Variants in NYAP1 observed in about 807,000 individuals in gnomAD.
NYAP1 encodes neuronal tyrosine phosphorylated phosphoinositide-3-kinase adaptor 1, also known as neuronal tyrosine-phosphorylated phosphoinositide-3-kinase adapter 1.
Under a neutral mutation model 58.6 loss-of-function variants are expected in NYAP1, and 20 were observed. The ratio of observed to expected loss-of-function variants is 0.34; its 90% confidence interval spans 0.24 to 0.50. The LOEUF (loss-of-function observed/expected upper bound fraction) is 0.50. NYAP1 is among the 20% of genes least tolerant of loss of function. The probability of loss-of-function intolerance (pLI) is 0.98; values close to 1 mark genes in which losing one functional copy is unlikely to be tolerated. For synonymous variants in NYAP1, 572 were observed against 523.1 expected, an observed-to-expected ratio of 1.09 and a Z score of -1.27; for missense variants, 1,150 against 1,194.5, an observed-to-expected ratio of 0.96 and a Z score of 0.55.
Position 100,488,648 on chromosome 7 carries a change from C to A in NYAP1, c.927C>A (p.Ser309Arg). ...GCCGCCCAGCTTCAGCCCTCCCGAG[C>A]CGGAGGGACGGGACGCCCACCAAGA... is the stretch of plus-strand genomic sequence containing the variant. ...AHRRPASALPSRRDGTPTKTT... is the reference protein window; with the variant it reads ...AHRRPASALPRRRDGTPTKTT... Residue 309 changes from serine to arginine, a missense_variant, in exon 4 of 7, where the codon AGC becomes AGA. Physicochemically the swap from Ser to Arg is moderately radical, Grantham distance 110. Coordinates refer to ENST00000300179, the MANE Select transcript of NYAP1 (RefSeq NM_173564.4). This position sits in a 1 kb window ranked among gnomAD's most constrained non-coding sequence, Gnocchi z 5.9. 6.2e-7 allele frequency: 1 copy of A among 1,610,110 alleles called. No homozygotes were observed. Among genetic ancestry groups the A allele is most frequent in the Non-Finnish European group, 8.5e-7 (1 of 1,178,850 alleles).
intron 6 of NYAP1, 75 bp downstream of exon 6, chr7:100,491,170 G>A: frequency 4.9e-6 from 5 of 1,019,446 alleles, no homozygotes; most frequent in Non-Finnish European, 7.4e-6. Context: ...AAGCAATAAA[G>A]GGGCCAGGGC....
In NYAP1 at chr7:100,486,237, C is replaced by T. The variant is rs1349231219; in HGVS notation, c.69-584C>T. ...CTCCACTCAGACAGAAGCTCAGGGA[C>T]AGTGGAATGGAATGGGGGTGAGCCG... On this transcript the variant is annotated intron_variant, in intron 2 of 6. Coordinates refer to ENST00000300179, the MANE Select transcript of NYAP1 (RefSeq NM_173564.4). This position sits in a 1 kb window ranked among gnomAD's most constrained non-coding sequence, Gnocchi z 6.2. 6.6e-6 allele frequency among the ~76,000 whole-genome samples: 1 copy of T among 152,012 alleles called. No homozygotes were observed. Among genetic ancestry groups the T allele is most frequent in the African/African-American group, 2.4e-5 (1 of 41,352 alleles).
rs781109085 is a variant in NYAP1, at chr7:100,485,373, A to G, written c.62A>G (p.Lys21Arg). ...EWRQHKEEEA[K>R]RSSSKEVAPA... ...AGGCAGCACAAGGAAGAGGAGGCCA[A>G]GAGGAGGTAAGGCTGCACCCCAGAC... Residue 21 changes from lysine to arginine, a missense_variant, in exon 2 of 7, where the codon AAG (lysine) becomes AGG (arginine). Transcript: ENST00000300179. The surrounding 1 kb of genome is among the most constrained non-coding windows in gnomAD (Gnocchi z 5.7). 6.2e-7 allele frequency: 1 copy of G among 1,600,058 alleles called. No individual in the cohort carries two copies. The highest frequency in any genetic ancestry group is 8.5e-7 in the Non-Finnish European group (1 of 1,172,672).
intron 6 of NYAP1, among the ~76,000 whole-genome samples, chr7:100,491,777 G>A (rs549898139): frequency 8.6e-5 from 13 of 151,996 alleles, no homozygotes; most frequent in Non-Finnish European, 1.5e-4. Flanking sequence ...GGCCAGGTGC[G>A]GTGGCTCATG....
rs781456489 is a variant in NYAP1 at position 100,489,027 on chromosome 7, G to A, written c.1306G>A (p.Ala436Thr). 1.0e-5 allele frequency: 16 copies of A among 1,551,224 alleles called. No individual in the cohort carries two copies. In the African/African-American group the frequency reaches 2.2e-4, roughly 21 times the overall value. ...NSHSMICPKA[A>T]GAPAAPPAPA... ...CCACAGCATGATCTGCCCTAAGGCG[G>A]CGGGGGCGCCGGCAGCCCCCCCTGC... Residue 436 changes from alanine (A) to threonine (T), a missense_variant, in exon 4 of 7, where the codon GCG becomes ACG. By Grantham distance (58) the Ala-to-Thr change is moderately conservative. Coordinates refer to ENST00000300179, the MANE Select transcript of NYAP1 (RefSeq NM_173564.4).
chr7:100,485,176 C>G lies in NYAP1; in HGVS notation c.-84-52C>G. ...TCTCTCTTTCATTCATCCCTGGCCC[C>G]CACCCATCCCACCTTTCTTTTTTTT... On this transcript the variant is annotated intron_variant, in intron 1 of 6. Transcript: ENST00000300179. This position sits in a 1 kb window ranked among gnomAD's most constrained non-coding sequence, Gnocchi z 5.7. 1 of 612,858 alleles carries G rather than the reference C, an allele frequency of 1.6e-6. No homozygotes were observed. Among genetic ancestry groups the G allele is most frequent in the South Asian group, 2.0e-5 (1 of 50,982 alleles). The allele number at this position is 612,858 out of a possible 1,614,324, so 38.0% of individuals were successfully genotyped here.
chr7:100,491,152 G>T, intron 6 of NYAP1, 57 bp downstream of exon 6: 1 of 1,133,366 alleles, frequency 8.8e-7, no homozygotes. Context: ...GCTTGAATAT[G>T]CAAAGAAAAG....
At position 100,490,780 on chromosome 7, in the gene NYAP1, C is replaced by T. The variant is rs1013511873; in HGVS notation, c.2158+51C>T. 1.4e-6 allele frequency: 2 copies of T among 1,439,062 alleles called. No homozygotes were observed. The highest frequency in any genetic ancestry group is 1.4e-5 in the African/African-American group (1 of 70,134). The allele number at this position is 1,439,062 out of a possible 1,614,324, so 89.1% of individuals were successfully genotyped here. A position where few individuals can be genotyped will look rare whatever the true frequency, so the allele number is the denominator to read the frequency against. ...CACAGCGGGGCTGGCTGGGGGATCT[C>T]CCGGGGTCTAGCTGCACCTGTCCTG... is the stretch of plus-strand genomic sequence containing the variant. On this transcript the variant is annotated intron_variant, in intron 5 of 6. Coordinates refer to ENST00000300179, the MANE Select transcript of NYAP1 (RefSeq NM_173564.4). This position sits in a 1 kb window ranked among gnomAD's most constrained non-coding sequence, Gnocchi z 4.6.
Position 100,488,425 on chromosome 7 carries a change from CTGGGCCCCCTCT to C in NYAP1, c.709_720del (p.Pro237_Gly240del). On this transcript the variant is annotated inframe_deletion, in exon 4 of 7. Transcript: ENST00000300179. This position sits in a 1 kb window ranked among gnomAD's most constrained non-coding sequence, Gnocchi z 5.9. ...GGAGGACGAAGTGGAGGAGGCCTGG[CTGGGCCCCCTCT>C]TGGGGGTGGGGGCCCGACCCCTCCA... is the stretch of plus-strand genomic sequence containing the variant. The C allele has an allele frequency of 6.2e-7, 1 of 1,601,096 alleles. No homozygotes were observed. Among genetic ancestry groups the C allele is most frequent in the Non-Finnish European group, 8.5e-7 (1 of 1,174,372 alleles).
rs778253643 is a variant in NYAP1 at position 100,488,659 on chromosome 7, G to A, written c.938G>A (p.Gly313Glu). Residue 313 changes from glycine (G) to glutamate (E), a missense_variant, in exon 4 of 7, where the codon GGG becomes GAG. Transcript: ENST00000300179. The surrounding 1 kb of genome is among the most constrained non-coding windows in gnomAD (Gnocchi z 5.9). ...PASALPSRRD[G>E]TPTKTTPCEI... ...TCAGCCCTCCCGAGCCGGAGGGACG[G>A]GACGCCCACCAAGACCACTCCTTGT... is the stretch of plus-strand genomic sequence containing the variant. 97 of 1,609,844 alleles carry A rather than the reference G, an allele frequency of 6.0e-5. 4 individuals are homozygous for A. The South Asian group carries it at 9.5e-4, about 16-fold the overall frequency.
chr7:100,490,851 C>T lies in NYAP1; in HGVS notation c.2158+122C>T. 1 of 1,088,676 alleles carries T rather than the reference C, an allele frequency of 9.2e-7. No individual in the cohort carries two copies. Among genetic ancestry groups the T allele is most frequent in the Non-Finnish European group, 1.3e-6 (1 of 765,240 alleles). 67.4% of individuals were successfully genotyped at this position (1,088,676 alleles called of 1,614,324 possible). On this transcript the variant is annotated intron_variant, in intron 5 of 6. Transcript: ENST00000300179. This position sits in a 1 kb window ranked among gnomAD's most constrained non-coding sequence, Gnocchi z 4.6. ...GTCTGTGCCCAGGGCCCTAAATCCT[C>T]ATACCACATCTCCACCCCTTTTTCC...
rs976253342 is a variant in NYAP1 at position 100,485,215 on chromosome 7, C to A, written c.-84-13C>A. The A allele has an allele frequency of 3.1e-6, 2 of 651,450 alleles. No individual in the cohort carries two copies. The highest frequency in any genetic ancestry group is 1.8e-5 in the African/African-American group (1 of 54,106). 40.4% of individuals were successfully genotyped at this position (651,450 alleles called of 1,614,324 possible). On this transcript the variant is annotated splice_polypyrimidine_tract_variant and intron_variant, in intron 1 of 6. Transcript: ENST00000300179. This position sits in a 1 kb window ranked among gnomAD's most constrained non-coding sequence, Gnocchi z 5.7. ...TTTCTTTTTTTTCCGTTCTCACCCA[C>A]CCCGCCCGCCAGTGGATCCGGGACC...
At chr7:100,491,158 A>G in intron 6 of NYAP1, 63 bp downstream of exon 6, 1 of 1,118,898 alleles carries the variant, frequency 8.9e-7, no homozygotes, top group Non-Finnish European at 1.3e-6. Context: ...ATATGCAAAG[A>G]AAAGCAATAA....
Position 100,494,166 on chromosome 7 carries a change from T to G in NYAP1, c.*263T>G. On this transcript the variant is annotated 3_prime_UTR_variant, in exon 7 of 7. Coordinates refer to ENST00000300179, the MANE Select transcript of NYAP1 (RefSeq NM_173564.4). Reference sequence around the variant, plus strand: ...GAGTCGCTCTGGCTGTTCTTCCCGCTGGGCGTTGTACACCCCTCCTCCTGA... The same window carrying G: ...GAGTCGCTCTGGCTGTTCTTCCCGCGGGGCGTTGTACACCCCTCCTCCTGA... The G allele has an allele frequency of 2.3e-6, 1 of 437,756 alleles. No homozygotes were observed. The highest frequency in any genetic ancestry group is 4.0e-6 in the Non-Finnish European group (1 of 248,966). 27.1% of individuals were successfully genotyped at this position (437,756 alleles called of 1,614,324 possible).
Position 100,490,674 on chromosome 7 carries a change from C to T in NYAP1, c.2103C>T (p.Ser701=). Residue 701 remains serine (S), a synonymous_variant, in exon 5 of 7, where the codon AGC becomes AGT. Coordinates refer to ENST00000300179, the MANE Select transcript of NYAP1 (RefSeq NM_173564.4). The surrounding 1 kb of genome is among the most constrained non-coding windows in gnomAD (Gnocchi z 4.6). ...ARIHHGDRGG[S]RTALPIPCQT... ...TCCACCATGGAGACCGAGGAGGGAG[C>T]CGCACCGCGCTGCCCATTCCCTGCC... 1 of 1,554,912 alleles carries T rather than the reference C, an allele frequency of 6.4e-7. No homozygotes were observed. The highest frequency in any genetic ancestry group is 8.7e-7 in the Non-Finnish European group (1 of 1,149,560).
At position 100,488,566 on chromosome 7, in the gene NYAP1, C is replaced by A; in HGVS notation, c.845C>A (p.Pro282Gln). 1 of 1,607,048 alleles carries A rather than the reference C, an allele frequency of 6.2e-7. No individual in the cohort carries two copies. Among genetic ancestry groups the A allele is most frequent in the Non-Finnish European group, 8.5e-7 (1 of 1,177,110 alleles). The change falls in exon 4 of 7, where the codon CCA becomes CAA. Residue 282 changes from proline (P) to glutamine (Q), a missense_variant. Transcript: ENST00000300179. This position sits in a 1 kb window ranked among gnomAD's most constrained non-coding sequence, Gnocchi z 5.9. ...GAAGGCCGGGCCAATGGCCCTCCAC[C>A]ATTGACGGCAACATCCCCGCCACAA... is the stretch of plus-strand genomic sequence containing the variant. Reference protein sequence around the residue: ...AGEGRANGPPPLTATSPPQQP... With the variant: ...AGEGRANGPPQLTATSPPQQP...
rs1334343092 is a variant in NYAP1 at position 100,483,981 on chromosome 7, G to C, written c.-105G>C. 6.5e-6 allele frequency: 1 copy of C among 153,264 alleles called. No homozygotes were observed. 9.5% of individuals were successfully genotyped at this position (153,264 alleles called of 1,614,324 possible). A position where few individuals can be genotyped will look rare whatever the true frequency, so the allele number is the denominator to read the frequency against. The stretch of plus-strand genomic sequence containing the variant: ...CTCCGGGCGGAGCCCGGCATGGGGG[G>C]GCCGGCGCCCGGCAGGCCAGGTACG... On this transcript the variant is annotated 5_prime_UTR_variant, in exon 1 of 7. Coordinates refer to ENST00000300179, the MANE Select transcript of NYAP1 (RefSeq NM_173564.4). This position sits in a 1 kb window ranked among gnomAD's most constrained non-coding sequence, Gnocchi z 4.2.
chr7:100,493,927 G>T lies in NYAP1; in HGVS notation c.*24G>T. On this transcript the variant is annotated 3_prime_UTR_variant, in exon 7 of 7. Coordinates refer to ENST00000300179, the MANE Select transcript of NYAP1 (RefSeq NM_173564.4). ...GAGGCGGGCGGGGGGGTACCGGGGC[G>T]CCTGGACTGGGGAGGGGGCGGGCAC... The T allele has an allele frequency of 1.4e-6, 2 of 1,417,978 alleles. No individual in the cohort carries two copies. The highest frequency in any genetic ancestry group is 9.2e-7 in the Non-Finnish European group (1 of 1,091,854). 87.8% of individuals were successfully genotyped at this position (1,417,978 alleles called of 1,614,324 possible).
At position 100,490,527 on chromosome 7, in the gene NYAP1, C is replaced by T. The variant is rs532650482; in HGVS notation, c.1956C>T (p.Asp652=). Residue 652 remains aspartate (D), a synonymous_variant, in exon 5 of 7, where the codon GAC becomes GAT. Transcript: ENST00000300179. The surrounding 1 kb of genome is among the most constrained non-coding windows in gnomAD (Gnocchi z 4.6). ...RKAKELDKVE[D]GARAWNGSAE... is the part of the protein sequence containing the mutation. The stretch of plus-strand genomic sequence containing the variant: ...TTGTCATCCCAGCAGAGGTCGAGGA[C>T]GGTGCCCGGGCCTGGAATGGCAGTG... The T allele has an allele frequency of 1.8e-4, 282 of 1,583,870 alleles. No individual in the cohort carries two copies. In the Middle Eastern group the frequency reaches 2.7e-3, roughly 15 times the overall value.
Sources: allele counts gnomAD v4.1 joint callset (sites outside exome capture counted in the v4.1 genomes callset), GRCh38; gene constraint gnomAD v4.1.1; non-coding constraint Gnocchi (gnomAD v3.1); transcripts MANE v1.5; gene names NCBI Gene and HGNC (gene_info 2026-07-23, HGNC 2026-07-21).